The following NUP205 variants were observed in gnomAD, a reference collection of about 807,000 sequenced individuals.
The protein encoded by NUP205 is nucleoporin 205.
NUP205 carries 76 observed loss-of-function variants against 253.8 expected under a neutral mutation model. The observed-to-expected ratio is 0.30, with a 90% CI of 0.25 to 0.36. NUP205 has a LOEUF of 0.36. Among genes scored for constraint, NUP205 ranks in the 10% least tolerant of loss-of-function variants. The probability of loss-of-function intolerance (pLI) is 1.00; values close to 1 mark genes in which losing one functional copy is unlikely to be tolerated. For missense variants in NUP205, 2,162 were observed against 2,425.5 expected, an observed-to-expected ratio of 0.89 and a Z score of 2.28; for synonymous variants, 832 against 850.1, an observed-to-expected ratio of 0.98 and a Z score of 0.37.
In NUP205 at chr7:135,618,592, G is replaced by A. The variant is rs750882961; in HGVS notation, c.3952G>A (p.Val1318Met). The A allele has an allele frequency of 1.3e-6, 2 of 1,599,940 alleles. No individual in the cohort carries two copies. Among genetic ancestry groups the A allele is most frequent in the African/African-American group, 1.3e-5 (1 of 74,768 alleles). Residue 1318 changes from valine (V) to methionine (M), a missense_variant, in exon 28 of 43, where the codon GTG becomes ATG. This residue lies in a region of NUP205 where 1,144 missense variants were observed against 1,280.9 expected (regional missense o/e 0.89). Transcript: ENST00000285968. Reference sequence around the variant, plus strand: ...GATTATTCGTGATATTTTACAAGATGTGCATGATAAGGTGACGTACTTCCT... The same window carrying A: ...GATTATTCGTGATATTTTACAAGATATGCATGATAAGGTGACGTACTTCCT... Reference protein sequence around the residue: ...QLIIRDILQDVHDKILDDEAA... With the variant: ...QLIIRDILQDMHDKILDDEAA...
intron 14 of NUP205, 43 bp downstream of exon 14, chr7:135,597,461 T>G (rs755564142): frequency 6.0e-6 from 7 of 1,165,176 alleles, no homozygotes; most frequent in South Asian, 1.2e-5. Context: ...CATTCATGCA[T>G]GTAATGATAA....
intron 4 of NUP205, among the ~76,000 whole-genome samples, 165 bp from the exon 5 acceptor site, chr7:135,576,804 C>T (rs1280376606): frequency 6.6e-6 from 1 of 152,078 alleles, no homozygotes; most frequent in Non-Finnish European, 1.5e-5. Context: ...AAGACCTGAG[C>T]CTGGGACGTC....
In NUP205 at chr7:135,587,711, A is replaced by G. The variant is rs372271921; in HGVS notation, c.1335+20A>G. The G allele has an allele frequency of 2.4e-5, 37 of 1,556,440 alleles. No homozygotes were observed. The African/African-American group carries it at 4.7e-4, about 20-fold the overall frequency. On this transcript the variant is annotated intron_variant, in intron 9 of 42. Coordinates refer to ENST00000285968, the MANE Select transcript of NUP205 (RefSeq NM_015135.3). ...CTTTTGGTAAGCCATTATATTAGAA[A>G]GCTTGTCCTCTTTCCCTCCTTTCAT...
chr7:135,625,063 A>T, intron 31 of NUP205, 101 bp from the exon 32 acceptor site: 1 of 971,826 alleles, frequency 1.0e-6, no homozygotes, highest in Non-Finnish European at 1.5e-6. Context: ...TTTATGAAAA[A>T]CATTCTTCAT....
chr7:135,626,471 G>C, intron 33 of NUP205, 110 bp downstream of exon 33: 1 of 1,264,026 alleles, frequency 7.9e-7, no homozygotes, highest in Admixed American at 2.4e-5. Context: ...TCATCTTGGT[G>C]TGGGTTTTTT....
intron 8 of NUP205, 114 bp from the exon 9 acceptor site, chr7:135,587,461 T>C (rs1806498023): frequency 2.1e-6 from 1 of 484,166 alleles, no homozygotes. Context: ...GTGGAATAGA[T>C]ATTTAAAAAA....
Position 135,617,595 on chromosome 7 carries a change from T to C in NUP205, c.3691-7T>C, listed in dbSNP as rs1469573471. On this transcript the variant is annotated splice_region_variant and splice_polypyrimidine_tract_variant and intron_variant, in intron 26 of 42. Transcript: ENST00000285968. ...TCTTATTTTTCTTTCTTTTCCTAAT[T>C]ATCCAGCTTCTTCATAGGGTTCTTG... 1 of 1,608,640 alleles carries C rather than the reference T, an allele frequency of 6.2e-7. No individual in the cohort carries two copies.
intron 23 of NUP205, 45 bp from the exon 24 acceptor site, chr7:135,615,871 T>A (rs758648862): frequency 1.5e-5 from 21 of 1,387,792 alleles, no homozygotes; most frequent in Non-Finnish European, 2.0e-5. Context: ...GTTTTGATAC[T>A]GTGTTATTAC....
Position 135,615,924 on chromosome 7 carries a change from A to G in NUP205, c.3319A>G (p.Ile1107Val), listed in dbSNP as rs200277686. 6.2e-7 allele frequency: 1 copy of G among 1,606,956 alleles called. No individual in the cohort carries two copies. The highest frequency in any genetic ancestry group is 2.2e-5 in the East Asian group (1 of 44,642). ...YLPFSNKEYEISMLNQMSWLM... is the reference protein window; with the variant it reads ...YLPFSNKEYEVSMLNQMSWLM... ...ACATGTTTAAATTCTAGAATATGAA[A>G]TATCTATGCTGAACCAGATGTCATG... is the stretch of plus-strand genomic sequence containing the variant. The change falls in exon 24 of 43, where the codon ATA becomes GTA. Residue 1107 changes from isoleucine to valine, a missense_variant. By Grantham distance (29) the Ile-to-Val change is conservative. This residue lies in a region of NUP205 where 1,144 missense variants were observed against 1,280.9 expected (regional missense o/e 0.89). Transcript: ENST00000285968.
intron 1 of NUP205, among the ~76,000 whole-genome samples, chr7:135,570,840 A>G (rs1352194303): frequency 3.4e-5 from 2 of 59,280 alleles, no homozygotes; most frequent in Non-Finnish European, 6.6e-5. Context: ...ATTATATATT[A>G]TATATTACAT....
At chr7:135,573,962 T>G (rs972269254) in intron 3 of NUP205, 137 bp downstream of exon 3, 1 of 734,988 alleles carries the variant, frequency 1.4e-6, no homozygotes, top group East Asian at 2.8e-5. Context: ...TCAAAATATT[T>G]CCTTTTTTAA....
rs1806219833 is a variant in NUP205 at position 135,578,689 on chromosome 7, T to C, written c.878-62T>C. The C allele has an allele frequency of 3.3e-6, 4 of 1,202,732 alleles. No homozygotes were observed. The South Asian group carries it at 4.7e-5, about 14-fold the overall frequency. The allele number at this position is 1,202,732 out of a possible 1,614,324, so 74.5% of individuals were successfully genotyped here. A position where few individuals can be genotyped will look rare whatever the true frequency, so the allele number is the denominator to read the frequency against. ...TTTTCTGACTTTTGGATATTATTCC[T>C]GTGTATCAGAAGTGAGAATTTATCT... is the stretch of plus-strand genomic sequence containing the variant. On this transcript the variant is annotated intron_variant, in intron 6 of 42. Transcript: ENST00000285968.
chr7:135,578,934 A>G lies in NUP205; in HGVS notation c.1042+19A>G. On this transcript the variant is annotated intron_variant, in intron 7 of 42. Coordinates refer to ENST00000285968, the MANE Select transcript of NUP205 (RefSeq NM_015135.3). ...GTGACAGGTGAATTGATTGTAGGTA[A>G]TTTTGTTATGAGAAACAGCATGTTA... is the stretch of plus-strand genomic sequence containing the variant. 1 of 1,564,066 alleles carries G rather than the reference A, an allele frequency of 6.4e-7. No homozygotes were observed. The highest frequency in any genetic ancestry group is 8.6e-7 in the Non-Finnish European group (1 of 1,158,646).
chr7:135,576,479 CTTA>C, intron 4 of NUP205, 65 bp downstream of exon 4: 2 of 1,397,028 alleles, frequency 1.4e-6, no homozygotes, highest in Non-Finnish European at 2.0e-6. Flanking sequence ...CAATATTTCC[CTTA>C]TTATATACAA....
intron 14 of NUP205, chr7:135,597,626 G>A (rs1399341710): frequency 8.5e-6 from 4 of 469,696 alleles, no homozygotes; most frequent in African/African-American, 5.9e-5. Flanking sequence ...GGAAAAAGAT[G>A]TTACATGGCA....
At chr7:135,608,172 G>A (rs542340245) in intron 22 of NUP205, among the ~76,000 whole-genome samples, 3 of 151,804 alleles carry the variant, frequency 2.0e-5, no homozygotes, top group Admixed American at 6.6e-5. Context: ...GACTACAGGC[G>A]TGCCCACCAT....
intron 22 of NUP205, among the ~76,000 whole-genome samples, chr7:135,611,216 G>C (rs1310364918): frequency 6.6e-6 from 1 of 151,876 alleles, no homozygotes; most frequent in Admixed American, 6.5e-5. Context: ...CACCATGTTG[G>C]CCAGGGTGGT....
chr7:135,559,783 C>T (rs1042639331), intron 1 of NUP205, among the ~76,000 whole-genome samples: 2 of 151,934 alleles, frequency 1.3e-5, no homozygotes, highest in Middle Eastern at 6.8e-3. Flanking sequence ...CCTCCACCTC[C>T]TGGGTTGGAG....
At chr7:135,580,738 C>T (rs189161671) in intron 7 of NUP205, among the ~76,000 whole-genome samples, 76 of 152,218 alleles carry the variant, frequency 5.0e-4, no homozygotes, top group Middle Eastern at 3.4e-3. Context: ...GCTGGGATTA[C>T]AGGCGCGAGC....
Sources: gnomAD v4.1 joint callset for allele counts (sites outside exome capture counted in the v4.1 genomes callset) on GRCh38, gnomAD v4.1.1 for gene constraint, gnomAD v4.1.1 regional missense constraint, MANE v1.5 for transcripts, NCBI Gene and HGNC (gene_info 2026-07-23, HGNC 2026-07-21) for gene names.